COL4A4: variants seen among roughly 807,000 people sequenced by gnomAD.
The protein encoded by COL4A4 is collagen type IV alpha 4 chain.
COL4A4 carries 105 observed loss-of-function variants against 192.9 expected under a neutral mutation model. The observed-to-expected ratio is 0.54, with a 90% CI of 0.46 to 0.64. COL4A4 has a LOEUF of 0.64. Among genes scored for constraint, COL4A4 ranks in the 30% least tolerant of loss-of-function variants. The pLI is 0.00. For synonymous variants in COL4A4, 762 were observed against 769.9 expected (o/e 0.99, Z 0.17); for missense variants, 1,967 against 2,169.3 (o/e 0.91, Z 1.85).
chr2:227,081,144 A>C (rs1180585376), intron 23 of COL4A4, among the ~76,000 whole-genome samples: 3 of 152,162 alleles, frequency 2.0e-5, no homozygotes, highest in African/African-American at 7.2e-5. Context: ...ATTGGAATGA[A>C]GGATGCCTAC....
intron 34 of COL4A4, among the ~76,000 whole-genome samples, chr2:227,048,523 GA>G (rs1427230905): frequency 6.6e-6 from 1 of 152,196 alleles, no homozygotes; most frequent in African/African-American, 2.4e-5. Flanking sequence ...ATACTGTGTA[GA>G]CAGAGATGAA....
intron 37 of COL4A4, among the ~76,000 whole-genome samples, chr2:227,034,541 CTTTT>C (rs557795215): frequency 7.0e-6 from 1 of 143,736 alleles, no homozygotes; most frequent in Non-Finnish European, 1.5e-5. Flanking sequence ...AGTAGCTGTT[CTTTT>C]TTTTTTTTAA....
chr2:227,110,680 C>CTTTTT (rs34785989), intron 9 of COL4A4, among the ~76,000 whole-genome samples: 7 of 94,270 alleles, frequency 7.4e-5, no homozygotes, highest in African/African-American at 1.7e-4. Flanking sequence ...CTCACCCAGT[C>CTTTTT]TTTTTTTTTT....
At chr2:227,060,375 C>A in intron 26 of COL4A4, 132 bp from the exon 27 acceptor site, 1 of 660,926 alleles carries the variant, frequency 1.5e-6, no homozygotes, top group Non-Finnish European at 2.6e-6. Context: ...AGGATGTTGC[C>A]TATCCCGATT....
chr2:227,122,631 T>C (rs1161543607), intron 4 of COL4A4, among the ~76,000 whole-genome samples: 2 of 152,254 alleles, frequency 1.3e-5, no homozygotes, highest in South Asian at 4.1e-4. Context: ...TGCAGTCCCA[T>C]CAAGGAAATA....
At chr2:227,107,031 A>T (rs1437370661) in intron 12 of COL4A4, among the ~76,000 whole-genome samples, 2 of 152,196 alleles carry the variant, frequency 1.3e-5, no homozygotes, top group Non-Finnish European at 2.9e-5. Context: ...AGTCACTAAG[A>T]TGCCAATGCT....
At chr2:226,982,546 C>T in the COL4A4 span, among the ~76,000 whole-genome samples, 2 of 152,202 alleles carry the variant, frequency 1.3e-5, no homozygotes, top group Non-Finnish European at 2.9e-5. Context: ...TTTCTAGCTA[C>T]TGAATGTTCT....
chr2:227,141,510 G>T (rs965502114), intron 3 of COL4A4, among the ~76,000 whole-genome samples: 2 of 152,076 alleles, frequency 1.3e-5, no homozygotes, highest in Non-Finnish European at 2.9e-5. Flanking sequence ...AGTCTAATCA[G>T]CATATATTAT....
rs749237001 is a variant in COL4A4, at chr2:227,091,767, G to A, written c.1370-1810C>T. 1.7e-4 allele frequency among the ~76,000 whole-genome samples: 26 copies of A among 152,056 alleles called. No homozygotes were observed. In the South Asian group the frequency reaches 2.3e-3, roughly 13 times the overall value. ...AAAAATTAGCTGGGTGTGGTGGCAC[G>A]TGCCTGTCATCCCAGCTACTCAGGA... On this transcript the variant is annotated intron_variant, in intron 20 of 47. Transcript: ENST00000396625.
In COL4A4 at chr2:227,007,908, T is replaced by C. The variant is rs148474379; in HGVS notation, c.4809+110A>G. 178 of 1,363,584 alleles carry C rather than the reference T, an allele frequency of 1.3e-4. No individual in the cohort carries two copies. The African/African-American group carries it at 2.2e-3, about 17-fold the overall frequency. The allele number at this position is 1,363,584 out of a possible 1,614,324, so 84.5% of individuals were successfully genotyped here. A position where few individuals can be genotyped will look rare whatever the true frequency, so the allele number is the denominator to read the frequency against. The stretch of plus-strand genomic sequence containing the variant: ...GTTTGCAACAGTCCCCGTAACCTTA[T>C]GTCCTAAGCGCAGAGTGCTCAGAAT... On this transcript the variant is annotated intron_variant, in intron 47 of 47. Coordinates refer to ENST00000396625, the MANE Select transcript of COL4A4 (RefSeq NM_000092.5).
chr2:227,098,861 C>T (rs2060349377), intron 18 of COL4A4, 63 bp from the exon 19 acceptor site: 1 of 1,360,644 alleles, frequency 7.3e-7, no homozygotes, highest in African/African-American at 1.4e-5. Context: ...ATTAAGACAA[C>T]AATTACTTTT....
chr2:227,050,131 C>T lies in COL4A4; in HGVS notation c.3151G>A (p.Gly1051Ser), dbSNP rs1161763333. The T allele has an allele frequency of 6.2e-7, 1 of 1,613,814 alleles. No individual in the cohort carries two copies. Among genetic ancestry groups the T allele is most frequent in the Non-Finnish European group, 8.5e-7 (1 of 1,179,842 alleles). ...GGGGGACCTGGAGAACCTGGCTCACCCTGACAGTTTAATGAAACAAAAGGC... is the reference window on the plus strand; with the variant it reads ...GGGGGACCTGGAGAACCTGGCTCACTCTGACAGTTTAATGAAACAAAAGGC... ...IGFPGLPGDQGEPGSPGPPGF... is the reference protein window; with the variant it reads ...IGFPGLPGDQSEPGSPGPPGF... The change falls in exon 34 of 48, where the codon GGT (glycine) becomes AGT (serine). Residue 1051 changes from glycine (G) to serine (S), a missense_variant and splice_region_variant. By Grantham distance (56) the Gly-to-Ser change is moderately conservative (BLOSUM62 0). Transcript: ENST00000396625.
the COL4A4 span, among the ~76,000 whole-genome samples, chr2:226,971,245 G>A: frequency 6.6e-6 from 1 of 152,194 alleles, no homozygotes. Flanking sequence ...ACCGAGGCAG[G>A]TGCTTACTAA....
intron 1 of COL4A4, among the ~76,000 whole-genome samples, chr2:227,148,784 TG>T (rs1241228706): frequency 6.6e-6 from 1 of 151,936 alleles, no homozygotes; most frequent in Non-Finnish European, 1.5e-5. Flanking sequence ...TTAAAAGACC[TG>T]TCTCTATGAG....
At chr2:227,067,234 A>G (rs1414242690) in intron 25 of COL4A4, among the ~76,000 whole-genome samples, 2 of 152,078 alleles carry the variant, frequency 1.3e-5, no homozygotes, top group African/African-American at 4.8e-5. Context: ...TGAGTGACCT[A>G]CAAAGAGACT....
chr2:226,995,448 C>T, the COL4A4 span: 1 of 1,612,098 alleles, frequency 6.2e-7, no homozygotes. Context: ...CAGAAATAGC[C>T]CACCACCCTA....
intron 18 of COL4A4, 60 bp downstream of exon 18, chr2:227,099,555 TCTGTC>T (rs1258544293): frequency 1.4e-6 from 2 of 1,440,528 alleles, no homozygotes; most frequent in Non-Finnish European, 2.0e-6. Context: ...GCCAGACTCT[TCTGTC>T]CTGGCCACTC....
the COL4A4 span, among the ~76,000 whole-genome samples, chr2:226,980,261 C>T: frequency 6.6e-6 from 1 of 152,028 alleles, no homozygotes; most frequent in African/African-American, 2.4e-5. Flanking sequence ...GAGGCAAAGC[C>T]AGTATTCAAC....
At chr2:227,150,013 C>T (rs2063820851) in intron 1 of COL4A4, among the ~76,000 whole-genome samples, 1 of 152,230 alleles carries the variant, frequency 6.6e-6, no homozygotes, top group South Asian at 2.1e-4. Flanking sequence ...ATGACAATAG[C>T]GATTTTGTCT....
Sources: allele counts gnomAD v4.1 joint callset (sites outside exome capture counted in the v4.1 genomes callset), GRCh38; gene constraint gnomAD v4.1.1; transcripts MANE v1.5; gene names NCBI Gene and HGNC (gene_info 2026-07-23, HGNC 2026-07-21).